The following NEIL2 variants were observed in gnomAD, a reference collection of about 807,000 sequenced individuals.
NEIL2 encodes the protein endonuclease 8-like 2.
Under a neutral mutation model 22.2 loss-of-function variants are expected in NEIL2, and 23 were observed. The ratio of observed to expected loss-of-function variants is 1.04; its 90% CI spans 0.75 to 1.47. The LOEUF is 1.47. Among genes scored for constraint, NEIL2 ranks in the 40% most tolerant of loss-of-function variants. The pLI, the probability that NEIL2 is intolerant of heterozygous loss-of-function variation, is 0.00. For missense variants in NEIL2, 583 were observed against 404.7 expected (o/e 1.44, Z -3.78); for synonymous variants, 229 against 164.8 (o/e 1.39, Z -2.99).
chr8:11,783,720 A>G (rs1040974765), intron 4 of NEIL2, among the ~76,000 whole-genome samples: 20 of 152,342 alleles, frequency 1.3e-4, no homozygotes, highest in Admixed American at 9.1e-4. Context: ...TCCACTGCAC[A>G]GTGCAGCGCC....
rs530716822 is a variant in NEIL2 at position 11,782,269 on chromosome 8, C to CA, written c.492-929dup. 5.1e-3 allele frequency among the ~76,000 whole-genome samples: 770 copies of CA among 151,860 alleles called. 4 individuals carry two copies. The highest frequency in any genetic ancestry group is 0.018 in the African/African-American group (725 of 41,360). On this transcript the variant is annotated intron_variant, in intron 3 of 4. Transcript: ENST00000284503. ...GAAACCCCCATCTCTACTAAAAGTA[C>CA]AAAAAGTTAGCCAGGTGTGGTGGTA... is the stretch of plus-strand genomic sequence containing the variant.
chr8:11,779,955 T>TG lies in NEIL2; in HGVS notation c.491+7dup, dbSNP rs1804269701. 2 of 1,611,694 alleles carry TG rather than the reference T, an allele frequency of 1.2e-6. No homozygotes were observed. The highest frequency in any genetic ancestry group is 1.7e-6 in the Non-Finnish European group (2 of 1,178,092). On this transcript the variant is annotated splice_donor_region_variant and intron_variant, in intron 3 of 4. Coordinates refer to ENST00000284503, the MANE Select transcript of NEIL2 (RefSeq NM_145043.4). ...CTGGAGGGACCCTTCCCCGAGGTAA[T>TG]GGTGTGGCCATCTGATTTTCGTGGG...
intron 2 of NEIL2, among the ~76,000 whole-genome samples, chr8:11,777,524 C>T (rs770954675): frequency 6.6e-6 from 1 of 152,194 alleles, no homozygotes; most frequent in Admixed American, 6.5e-5. Context: ...CTGTTGAACG[C>T]TAACTCCCCC....
intron 1 of NEIL2, 143 bp from the exon 2 acceptor site, chr8:11,771,303 G>A (rs1002168802): frequency 8.0e-6 from 8 of 1,001,624 alleles, no homozygotes; most frequent in Non-Finnish European, 1.1e-5. Context: ...CCGCCTCCCA[G>A]CCACACTCCC....
intron 4 of NEIL2, 28 bp downstream of exon 4, chr8:11,783,427 C>T (rs1371289863): frequency 3.1e-6 from 5 of 1,595,490 alleles, no homozygotes; most frequent in African/African-American, 1.3e-5. Context: ...GGGGTGAGTC[C>T]ACAGAGTTGC....
rs1216856893 is a variant in NEIL2 at position 11,769,911 on chromosome 8, C to G, written c.-427C>G. On this transcript the variant is annotated 5_prime_UTR_variant, in exon 1 of 5. Coordinates refer to ENST00000284503, the MANE Select transcript of NEIL2 (RefSeq NM_145043.4). ...TCTCAGCCGCCTGCGGAGGTGCTGC[C>G]CACGCCTGGAGGCCCCCACTGACCC... The G allele has an allele frequency of 6.6e-6, 1 of 152,412 alleles. No homozygotes were observed. Among genetic ancestry groups the G allele is most frequent in the Non-Finnish European group, 1.5e-5 (1 of 68,220 alleles). The allele number at this position is 152,412 out of a possible 1,614,324, so 9.4% of individuals were successfully genotyped here. A position where few individuals can be genotyped will look rare whatever the true frequency, so the allele number is the denominator to read the frequency against.
intron 4 of NEIL2, among the ~76,000 whole-genome samples, chr8:11,785,657 G>C (rs1804853315): frequency 6.6e-6 from 1 of 152,202 alleles, no homozygotes; most frequent in Non-Finnish European, 1.5e-5. Flanking sequence ...GAGCTTGTCA[G>C]GGTCACGTGG....
chr8:11,783,404 G>T lies in NEIL2; in HGVS notation c.688+5G>T. The T allele has an allele frequency of 1.2e-6, 2 of 1,613,508 alleles. No homozygotes were observed. The highest frequency in any genetic ancestry group is 2.2e-5 in the South Asian group (2 of 90,984). ...AGAGATACTTCTCAGGGCTAGGTAT[G>T]ACTCATGGGAAAGGGGTGAGTCCAC... On this transcript the variant is annotated splice_donor_5th_base_variant and intron_variant, in intron 4 of 4. Coordinates refer to ENST00000284503, the MANE Select transcript of NEIL2 (RefSeq NM_145043.4).
chr8:11,776,193 T>C (rs1803891070), intron 2 of NEIL2, among the ~76,000 whole-genome samples: 1 of 152,240 alleles, frequency 6.6e-6, no homozygotes, highest in African/African-American at 2.4e-5. Flanking sequence ...AGCAAAGGCA[T>C]GTCTTACATG....
intron 4 of NEIL2, among the ~76,000 whole-genome samples, chr8:11,784,571 C>G (rs1441686375): frequency 6.6e-6 from 1 of 152,132 alleles, no homozygotes; most frequent in Non-Finnish European, 1.5e-5. Flanking sequence ...TTTCCTTCAC[C>G]CACTCACTCC....
chr8:11,773,449 C>T (rs1013352522), intron 2 of NEIL2, among the ~76,000 whole-genome samples: 15 of 152,134 alleles, frequency 9.9e-5, no homozygotes, highest in Admixed American at 2.6e-4. Flanking sequence ...TGAGAACATA[C>T]GGCTTGTATC....
In NEIL2 at chr8:11,770,301, C is replaced by G. The variant is rs1335599597; in HGVS notation, c.-37C>G. On this transcript the variant is annotated 5_prime_UTR_variant, in exon 1 of 5. Coordinates refer to ENST00000284503, the MANE Select transcript of NEIL2 (RefSeq NM_145043.4). ...AGATGAAGGCTTTTCCAGAAGCTTC[C>G]CCGTAGAAGAGGATCAGGCATCCAA... 1 of 152,154 alleles carries G rather than the reference C, an allele frequency of 6.6e-6. No homozygotes were observed. The highest frequency in any genetic ancestry group is 1.5e-5 in the Non-Finnish European group (1 of 68,046). 9.4% of individuals were successfully genotyped at this position (152,154 alleles called of 1,614,324 possible).
chr8:11,775,591 C>G (rs769179330), intron 2 of NEIL2, among the ~76,000 whole-genome samples: 17 of 152,194 alleles, frequency 1.1e-4, no homozygotes, highest in South Asian at 2.1e-4. Flanking sequence ...GAATTTCTCC[C>G]CAGAAAATGG....
In NEIL2 at chr8:11,779,906, C is replaced by T. The variant is rs778922823; in HGVS notation, c.447C>T (p.Ala149=). The T allele has an allele frequency of 5.6e-6, 9 of 1,614,002 alleles. No individual in the cohort carries two copies. Among genetic ancestry groups the T allele is most frequent in the South Asian group, 3.3e-5 (3 of 91,080 alleles). The stretch of plus-strand genomic sequence containing the variant: ...TTTGGGTGAACGATTTCTCCAGAGC[C>T]AAGAAAGCCAACAAGAGGGGGGACT... ...GSVWVNDFSR[A]KKANKRGDWR... is the part of the protein sequence containing the mutation. The change falls in exon 3 of 5, where the codon GCC becomes GCT. Residue 149 remains alanine (A), a synonymous_variant. Coordinates refer to ENST00000284503, the MANE Select transcript of NEIL2 (RefSeq NM_145043.4).
intron 2 of NEIL2, among the ~76,000 whole-genome samples, chr8:11,772,135 C>A (rs781596671): frequency 6.6e-6 from 1 of 151,946 alleles, no homozygotes; most frequent in Non-Finnish European, 1.5e-5. Flanking sequence ...CCCGGGAGGC[C>A]GAGATTGCAG....
chr8:11,771,250 C>A (rs8191530), intron 1 of NEIL2, among the ~76,000 whole-genome samples, 196 bp from the exon 2 acceptor site: 2 of 152,280 alleles, frequency 1.3e-5, no homozygotes, highest in African/African-American at 2.4e-5. Context: ...TTTCCTGCTA[C>A]GTTTCCCACA....
At chr8:11,784,091 A>C (rs547266100) in intron 4 of NEIL2, among the ~76,000 whole-genome samples, 20 of 152,340 alleles carry the variant, frequency 1.3e-4, no homozygotes, top group African/African-American at 4.6e-4. Flanking sequence ...TGCTGAAGCA[A>C]TCAGGCAGGT....
chr8:11,778,551 G>A (rs1030272284), intron 2 of NEIL2, among the ~76,000 whole-genome samples: 3 of 152,034 alleles, frequency 2.0e-5, no homozygotes, highest in African/African-American at 7.2e-5. Context: ...AGATATTTTG[G>A]TTTATACTCC....
chr8:11,779,627 T>A lies in NEIL2; in HGVS notation c.168T>A (p.Phe56Leu). Residue 56 changes from phenylalanine to leucine, a missense_variant, in exon 3 of 5, where the codon TTT becomes TTA. Physicochemically the swap from Phe to Leu is conservative, Grantham distance 22. Transcript: ENST00000284503. ...QVHGKKLFLR[F>L]DLDEEMGPPG... ...ATGGAAAGAAATTATTCCTTAGATT[T>A]GATCTAGATGAAGAAATGGGGCCCC... The A allele has an allele frequency of 6.2e-7, 1 of 1,613,292 alleles. No individual in the cohort carries two copies. The highest frequency in any genetic ancestry group is 8.5e-7 in the Non-Finnish European group (1 of 1,179,772).
Sources: gnomAD v4.1 joint callset for allele counts (sites outside exome capture counted in the v4.1 genomes callset) on GRCh38, gnomAD v4.1.1 for gene constraint, MANE v1.5 for transcripts, NCBI Gene and HGNC (gene_info 2026-07-23, HGNC 2026-07-21) for gene names.